The following DNMBP variants were observed in gnomAD, a reference collection of about 807,000 sequenced individuals.
DNMBP encodes dynamin-binding protein.
A neutral mutation model predicts 150.0 loss-of-function variants in DNMBP; 87 were observed. The ratio of observed to expected loss-of-function variants is 0.58; its 90% CI spans 0.49 to 0.69. The LOEUF (loss-of-function observed/expected upper bound fraction) is 0.69, where lower values mean the gene tolerates loss of function less well. DNMBP is among the 30% of genes least tolerant of loss of function. DNMBP has a pLI of 0.00. For missense variants in DNMBP, 1,774 were observed against 1,949.0 expected (o/e 0.91, Z 1.69); for synonymous variants, 711 against 750.4 (o/e 0.95, Z 0.86).
chr10:99,921,454 T>C (rs2040021821), intron 4 of DNMBP, among the ~76,000 whole-genome samples: 1 of 152,198 alleles, frequency 6.6e-6, no homozygotes, highest in African/African-American at 2.4e-5. Context: ...GGAAATACCA[T>C]CTTCATCCAC....
Position 99,900,001 on chromosome 10 carries a change from C to G in DNMBP, c.2620G>C (p.Asp874His), listed in dbSNP as rs1414032979. The G allele has an allele frequency of 1.9e-6, 3 of 1,614,144 alleles. No individual in the cohort carries two copies. The highest frequency in any genetic ancestry group is 2.5e-6 in the Non-Finnish European group (3 of 1,180,034). The part of the protein sequence containing the change: ...GTYKIYCQNH[D>H]EAIALLEIYE... Reference sequence around the variant, plus strand: ...ATTTCAAGCAGCGCAATGGCCTCATCATGATTCTGGCAGTAAATCTTGTAT... The same window carrying G: ...ATTTCAAGCAGCGCAATGGCCTCATGATGATTCTGGCAGTAAATCTTGTAT... Residue 874 changes from aspartate (D) to histidine (H), a missense_variant, in exon 7 of 17, where the codon GAT becomes CAT. Physicochemically the swap from Asp to His is moderately conservative, Grantham distance 81 (BLOSUM62 -1). This residue lies in a region of DNMBP where 1,430 missense variants were observed against 1,492.5 expected (regional missense o/e 0.96). Coordinates refer to ENST00000324109, the MANE Select transcript of DNMBP (RefSeq NM_015221.4).
In DNMBP at chr10:99,972,970, C is replaced by CAGGGTTTT. The variant is rs1190544510; in HGVS notation, c.-10-844_-10-837dup. Among the ~76,000 whole-genome samples, 24 of 152,262 alleles carry CAGGGTTTT rather than the reference C, an allele frequency of 1.6e-4. No homozygotes were observed. The South Asian group carries it at 5.0e-3, about 32-fold the overall frequency. On this transcript the variant is annotated intron_variant, in intron 1 of 16. Transcript: ENST00000324109. ...CTAATTTTTGTATTTTTAGTAGAGA[C>CAGGGTTTT]AGGGTTTTGCCACATTGGCCAGGCT... is the stretch of plus-strand genomic sequence containing the variant.
chr10:99,922,798 C>T (rs144155174), intron 4 of DNMBP, among the ~76,000 whole-genome samples: 26 of 152,244 alleles, frequency 1.7e-4, no homozygotes, highest in African/African-American at 5.5e-4. Context: ...CTAATTTACT[C>T]GAAAGCTTCA....
chr10:99,955,837 G>A lies in DNMBP; in HGVS notation c.1637C>T (p.Thr546Ile). Reference protein sequence around the residue: ...AATHSQGDGSTDLDSKLTQQL... With the variant: ...AATHSQGDGSIDLDSKLTQQL... ...TTGTGTCAGCTTCGAGTCCAGGTCA[G>A]TGCTGCCGTCTCCCTGTGAATGTGT... Residue 546 changes from threonine to isoleucine, a missense_variant, in exon 4 of 17, where the codon ACT becomes ATT. By Grantham distance (89) the Thr-to-Ile change is moderately conservative. Around this residue, in one of 2 missense-constraint regions of DNMBP, gnomAD observed 1,430 missense variants for 1,492.5 expected, o/e 0.96. Transcript: ENST00000324109. 1 of 1,614,238 alleles carries A rather than the reference G, an allele frequency of 6.2e-7. No individual in the cohort carries two copies. Among genetic ancestry groups the A allele is most frequent in the Non-Finnish European group, 8.5e-7 (1 of 1,180,042 alleles).
At position 99,885,674 on chromosome 10, in the gene DNMBP, G is replaced by A. The variant is rs780957246; in HGVS notation, c.3798+13C>T. 1 of 1,554,312 alleles carries A rather than the reference G, an allele frequency of 6.4e-7. No homozygotes were observed. The highest frequency in any genetic ancestry group is 8.7e-7 in the Non-Finnish European group (1 of 1,148,140). Reference sequence around the variant, plus strand: ...CCCCGAGGCGGGGCTGCTGCTCTCAGTTCCCTACTCACCAGGCCCAGGAGT... The same window carrying A: ...CCCCGAGGCGGGGCTGCTGCTCTCAATTCCCTACTCACCAGGCCCAGGAGT... On this transcript the variant is annotated intron_variant, in intron 14 of 16. Transcript: ENST00000324109.
chr10:100,002,592 C>G (rs571663834), intron 1 of DNMBP, among the ~76,000 whole-genome samples: 1 of 152,302 alleles, frequency 6.6e-6, no homozygotes, highest in South Asian at 2.1e-4. Context: ...TTCACATCAG[C>G]TATTTAAATT....
chr10:99,915,108 A>AATATATATATATATATATAT (rs1554863107), intron 4 of DNMBP, among the ~76,000 whole-genome samples: 2 of 99,802 alleles, frequency 2.0e-5, no homozygotes, highest in African/African-American at 8.8e-5. Flanking sequence ...AAAAAAAAAA[A>AATATATATATATATATATAT]ATATATATAT....
At chr10:99,915,108 A>ATATATATATATAT (rs1554863106) in intron 4 of DNMBP, among the ~76,000 whole-genome samples, 1 of 99,804 alleles carries the variant, frequency 1.0e-5, no homozygotes, top group African/African-American at 4.4e-5. Context: ...AAAAAAAAAA[A>ATATATATATATAT]ATATATATAT....
rs182479468 is a variant in DNMBP at position 99,905,645 on chromosome 10, C to T, written c.2554+2350G>A. ...AAGGCTGAGGTGAGCCATGATCACACCACTGCATTCTAGCCTAGGCAGCAG... is the reference window on the plus strand; with the variant it reads ...AAGGCTGAGGTGAGCCATGATCACATCACTGCATTCTAGCCTAGGCAGCAG... On this transcript the variant is annotated intron_variant, in intron 6 of 16. Transcript: ENST00000324109. Among the ~76,000 whole-genome samples the T allele has an allele frequency of 3.6e-4, 55 of 152,280 alleles. 1 individual carries two copies. The highest frequency in any genetic ancestry group is 1.2e-3 in the African/African-American group (49 of 41,558).
intron 3 of DNMBP, among the ~76,000 whole-genome samples, chr10:99,962,400 G>C (rs1382899092): frequency 6.6e-6 from 1 of 152,204 alleles, no homozygotes; most frequent in African/African-American, 2.4e-5. Context: ...GGGACGCCGA[G>C]GCAGGGGGAT....
intron 1 of DNMBP, among the ~76,000 whole-genome samples, chr10:99,983,791 C>T (rs972173474): frequency 1.3e-5 from 2 of 152,200 alleles, no homozygotes; most frequent in African/African-American, 4.8e-5. Context: ...AATCTGCTGT[C>T]CTATACCGTC....
chr10:99,951,625 G>GACT (rs1287710326), intron 4 of DNMBP, among the ~76,000 whole-genome samples: 1 of 152,184 alleles, frequency 6.6e-6, no homozygotes, highest in Non-Finnish European at 1.5e-5. Flanking sequence ...TTTAAGATTT[G>GACT]ACTGCCCCAC....
chr10:99,963,598 T>C (rs560504268), intron 3 of DNMBP, among the ~76,000 whole-genome samples: 2 of 144,214 alleles, frequency 1.4e-5, no homozygotes, highest in South Asian at 2.3e-4. Flanking sequence ...AACAGAAAAA[T>C]AGGAAGTGTG....
At chr10:99,893,782 T>C (rs1020225148) in intron 11 of DNMBP, among the ~76,000 whole-genome samples, 1 of 152,014 alleles carries the variant, frequency 6.6e-6, no homozygotes, top group African/African-American at 2.4e-5. Flanking sequence ...TGAAATTTGA[T>C]TAAGTGTGAA....
chr10:100,002,235 T>A (rs1456241107), intron 1 of DNMBP, among the ~76,000 whole-genome samples: 1 of 152,068 alleles, frequency 6.6e-6, no homozygotes, highest in Non-Finnish European at 1.5e-5. Flanking sequence ...AAAGGCAGGA[T>A]TATAGATTCG....
intron 1 of DNMBP, among the ~76,000 whole-genome samples, chr10:99,987,836 T>C (rs2040844613): frequency 6.6e-6 from 1 of 152,162 alleles, no homozygotes; most frequent in South Asian, 2.1e-4. Context: ...TATTACAAAA[T>C]TGATACAGAA....
rs79016088 is a variant in DNMBP, at chr10:99,970,124, A to G, written c.146-887T>C. 6.4e-3 allele frequency among the ~76,000 whole-genome samples: 968 copies of G among 152,284 alleles called. 5 individuals are homozygous for G. The highest frequency in any genetic ancestry group is 1.0e-2 in the Non-Finnish European group (678 of 68,036). ...GTGTTCTCACATTCCAGGGACCTTCAACAAGCAATCCTCTCTGCCTACCAT... is the reference window on the plus strand; with the variant it reads ...GTGTTCTCACATTCCAGGGACCTTCGACAAGCAATCCTCTCTGCCTACCAT... On this transcript the variant is annotated intron_variant, in intron 2 of 16. Transcript: ENST00000324109.
rs578105546 is a variant in DNMBP, at chr10:99,920,363, C to A, written c.2261-11217G>T. Among the ~76,000 whole-genome samples, 20 of 152,284 alleles carry A rather than the reference C, an allele frequency of 1.3e-4. No homozygotes were observed. In the East Asian group the frequency reaches 3.1e-3, roughly 24 times the overall value. The stretch of plus-strand genomic sequence containing the variant: ...GTGCTGGGACTACAGGTGTGAGCCA[C>A]CGCGCCCAGCCCTATATTTCCAATA... On this transcript the variant is annotated intron_variant, in intron 4 of 16. Coordinates refer to ENST00000324109, the MANE Select transcript of DNMBP (RefSeq NM_015221.4).
chr10:99,908,593 A>T (rs2039855551), intron 5 of DNMBP, among the ~76,000 whole-genome samples: 1 of 152,172 alleles, frequency 6.6e-6, no homozygotes, highest in Admixed American at 6.5e-5. Flanking sequence ...CTCTATATGA[A>T]CAGGTACTAG....
Sources: gnomAD v4.1 joint callset for allele counts (sites outside exome capture counted in the v4.1 genomes callset) on GRCh38, gnomAD v4.1.1 for gene constraint, gnomAD v4.1.1 regional missense constraint, MANE v1.5 for transcripts, NCBI Gene and HGNC (gene_info 2026-07-23, HGNC 2026-07-21) for gene names.